SUMF1: variants seen among roughly 807,000 people sequenced by gnomAD.
The protein encoded by SUMF1 is sulfatase modifying factor 1.
SUMF1 carries 48 observed loss-of-function variants against 47.6 expected under a neutral mutation model. That is an observed-to-expected ratio of 1.01 (90% confidence interval 0.80 to 1.28). The LOEUF is 1.28. Ranked by LOEUF, SUMF1 falls within the 50% of genes most tolerant of loss-of-function variation. SUMF1 has a pLI of 0.00. For synonymous variants in SUMF1, 230 were observed against 192.1 expected (o/e 1.20, Z -1.63); for missense variants, 571 against 485.4 (o/e 1.18, Z -1.66).
intron 8 of SUMF1, among the ~76,000 whole-genome samples, chr3:4,329,290 T>C (rs1087303): frequency 0.36 from 55,417 of 152,130 alleles, 10,947 homozygotes; most frequent in South Asian, 0.47. Context: ...CCACATTTCC[T>C]TTCCACACTG....
At chr3:4,308,322 C>A (rs558688125) in intron 8 of SUMF1, among the ~76,000 whole-genome samples, 2 of 152,290 alleles carry the variant, frequency 1.3e-5, no homozygotes, top group East Asian at 3.9e-4. Flanking sequence ...TTATTGAACA[C>A]GTACATGCTA....
intron 7 of SUMF1, among the ~76,000 whole-genome samples, chr3:4,403,603 A>G (rs1265597577): frequency 6.6e-6 from 1 of 152,188 alleles, no homozygotes; most frequent in Non-Finnish European, 1.5e-5. Flanking sequence ...TTGTCTGTAC[A>G]AGGCAGAAGG....
intron 9 of SUMF1, among the ~76,000 whole-genome samples, chr3:4,064,267 C>CCGCTGATCATCCT (rs1432424389): frequency 0.16 from 23,503 of 151,482 alleles, 2,309 homozygotes; most frequent in East Asian, 0.26. Context: ...AATGAAGTGA[C>CCGCTGATCATCCT]CACTGATCAT....
intron 8 of SUMF1, among the ~76,000 whole-genome samples, chr3:4,234,118 A>G (rs900962279): frequency 1.4e-4 from 21 of 152,096 alleles, no homozygotes; most frequent in Non-Finnish European, 1.5e-5. Context: ...TGTTTAATTT[A>G]CCCATAGTTA....
At position 4,368,707 on chromosome 3, in the gene SUMF1, C is replaced by T. The variant is rs372171097; in HGVS notation, c.1015-6453G>A. Among the ~76,000 whole-genome samples the T allele has an allele frequency of 3.3e-5, 5 of 152,276 alleles. No individual in the cohort carries two copies. The South Asian group carries it at 8.3e-4, about 25-fold the overall frequency. The stretch of plus-strand genomic sequence containing the variant: ...TACACAAGCCCTGCATGCACTTGTA[C>T]ACTTGCATAAACATAAGAGAGCCTA... On this transcript the variant is annotated intron_variant, in intron 8 of 8. Coordinates refer to ENST00000272902, the MANE Select transcript of SUMF1 (RefSeq NM_182760.4).
rs17756656 is a variant in SUMF1, at chr3:4,420,233, A to G, written c.520-87T>C. ...CTCAGTACATGCAGCAAAAATCTCAATGTCTTCAACTTCCATTTGGATTAC... is the reference window on the plus strand; with the variant it reads ...CTCAGTACATGCAGCAAAAATCTCAGTGTCTTCAACTTCCATTTGGATTAC... On this transcript the variant is annotated intron_variant, in intron 3 of 8. Coordinates refer to ENST00000272902, the MANE Select transcript of SUMF1 (RefSeq NM_182760.4). 0.015 allele frequency: 14,374 copies of G among 986,926 alleles called. 148 individuals are homozygous for G. Among genetic ancestry groups the G allele is most frequent in the Admixed American group, 0.031 (1,739 of 55,352 alleles). The allele number at this position is 986,926 out of a possible 1,614,324, so 61.1% of individuals were successfully genotyped here. A position where few individuals can be genotyped will look rare whatever the true frequency, so the allele number is the denominator to read the frequency against.
intron 8 of SUMF1, among the ~76,000 whole-genome samples, chr3:4,124,856 A>G (rs1423553029): frequency 2.0e-5 from 3 of 152,020 alleles, no homozygotes; most frequent in South Asian, 2.1e-4. Context: ...CTGAAAGTCA[A>G]TATCTAATAT....
intron 8 of SUMF1, among the ~76,000 whole-genome samples, chr3:4,274,822 C>G (rs1456354569): frequency 6.6e-6 from 1 of 152,134 alleles, no homozygotes; most frequent in Non-Finnish European, 1.5e-5. Context: ...GGAAGCTGGT[C>G]TGGAATCACA....
At chr3:4,134,008 C>G (rs1024473392) in intron 8 of SUMF1, among the ~76,000 whole-genome samples, 1 of 151,984 alleles carries the variant, frequency 6.6e-6, no homozygotes, top group African/African-American at 2.4e-5. Context: ...GGGGCACACA[C>G]AATAATAATG....
At chr3:4,440,957 T>C (rs2125100183) in intron 3 of SUMF1, among the ~76,000 whole-genome samples, 1 of 152,100 alleles carries the variant, frequency 6.6e-6, no homozygotes, top group Middle Eastern at 3.4e-3. Flanking sequence ...TTATCTTAAA[T>C]ACTGGAAGTA....
chr3:4,066,158 C>T (rs1027693897), intron 9 of SUMF1, among the ~76,000 whole-genome samples: 1 of 151,552 alleles, frequency 6.6e-6, no homozygotes, highest in Non-Finnish European at 1.5e-5. Flanking sequence ...CCCCCAGCAA[C>T]ACTCCCCCAG....
intron 3 of SUMF1, among the ~76,000 whole-genome samples, chr3:4,441,539 G>T (rs1277554768): frequency 2.0e-5 from 3 of 152,040 alleles, no homozygotes; most frequent in African/African-American, 4.8e-5. Context: ...AAAAGGTTGG[G>T]GACTGCTGAT....
At chr3:4,132,375 G>T (rs1456846313) in intron 8 of SUMF1, among the ~76,000 whole-genome samples, 1 of 152,206 alleles carries the variant, frequency 6.6e-6, no homozygotes. Context: ...ACAGTGGAAT[G>T]GCCTTTTGAA....
chr3:4,399,420 T>G (rs1348601740), intron 7 of SUMF1, among the ~76,000 whole-genome samples: 1 of 152,160 alleles, frequency 6.6e-6, no homozygotes, highest in Non-Finnish European at 1.5e-5. Context: ...TCAGGAGTAC[T>G]GTGGGAAAAC....
intron 8 of SUMF1, among the ~76,000 whole-genome samples, chr3:4,160,522 A>G (rs1236364652): frequency 1.3e-5 from 2 of 151,818 alleles, no homozygotes; most frequent in African/African-American, 2.4e-5. Context: ...TATTTCTTGC[A>G]TCTCCTCTGC....
At position 4,313,387 on chromosome 3, in the gene SUMF1, G is replaced by T. The variant is rs756547868; in HGVS notation, c.1014+62943C>A. 29 of 1,613,718 alleles carry T rather than the reference G, an allele frequency of 1.8e-5. No individual in the cohort carries two copies. In the East Asian group the frequency reaches 6.2e-4, roughly 35 times the overall value. ...AACATTTGTTGACCCTACTTATATA[G>T]GAAATATTGGAAGATTCCTTAATCA... On this transcript the variant is annotated intron_variant and NMD_transcript_variant, in intron 8 of 12. Transcript: ENST00000448413.
At chr3:4,258,794 T>C (rs1299539364) in intron 8 of SUMF1, among the ~76,000 whole-genome samples, 30 of 139,352 alleles carry the variant, frequency 2.2e-4, no homozygotes, top group African/African-American at 6.4e-4. Context: ...AATCATGCTG[T>C]TATAAAGACA....
chr3:4,306,340 A>G (rs989031603), intron 8 of SUMF1, among the ~76,000 whole-genome samples: 1 of 152,232 alleles, frequency 6.6e-6, no homozygotes, highest in South Asian at 2.1e-4. Flanking sequence ...ATTAATGTCC[A>G]TAAAATCATG....
At chr3:4,067,124 T>C (rs745867544) in intron 9 of SUMF1, among the ~76,000 whole-genome samples, 4 of 152,152 alleles carry the variant, frequency 2.6e-5, no homozygotes, top group Non-Finnish European at 5.9e-5. Context: ...CAGAGGCAGC[T>C]TCAGCTTCCA....
Sources: allele counts gnomAD v4.1 joint callset (sites outside exome capture counted in the v4.1 genomes callset), GRCh38; gene constraint gnomAD v4.1.1; transcripts MANE v1.5; gene names NCBI Gene and HGNC (gene_info 2026-07-23, HGNC 2026-07-21).